Variants in HECW1 observed in about 807,000 individuals in gnomAD.
HECW1 encodes the protein HECT, C2 and WW domain containing E3 ubiquitin protein ligase 1.
Under a neutral mutation model 182.3 loss-of-function variants are expected in HECW1, and 61 were observed. The ratio of observed to expected loss-of-function variants is 0.33; its 90% CI spans 0.27 to 0.41. HECW1 has a LOEUF of 0.41. Ranked by LOEUF, HECW1 falls within the 10% of genes least tolerant of loss-of-function variation. The pLI is 1.00. For missense variants in HECW1, 1,739 were observed against 2,108.9 expected, an observed-to-expected ratio of 0.82 and a Z score of 3.44; for synonymous variants, 859 against 832.6, an observed-to-expected ratio of 1.03 and a Z score of -0.55.
chr7:43,381,852 T>C (rs1454806230), intron 6 of HECW1, among the ~76,000 whole-genome samples: 1 of 151,972 alleles, frequency 6.6e-6, no homozygotes, highest in Non-Finnish European at 1.5e-5. Flanking sequence ...TTTTTAGAAA[T>C]GGGGTTTCAC....
chr7:43,464,104 G>A (rs972117130), intron 14 of HECW1, among the ~76,000 whole-genome samples: 5 of 152,190 alleles, frequency 3.3e-5, no homozygotes, highest in African/African-American at 1.2e-4. Flanking sequence ...CAGTGCTTGT[G>A]GAGCAAGGCA....
At chr7:43,346,026 G>A (rs569276931) in intron 5 of HECW1, among the ~76,000 whole-genome samples, 7 of 152,246 alleles carry the variant, frequency 4.6e-5, no homozygotes, top group Admixed American at 2.0e-4. Context: ...GGGATTGCTG[G>A]ATCAAATGGT....
rs540639440 is a variant in HECW1 at position 43,197,718 on chromosome 7, G to A, written c.-31-46157G>A. ...GGTGAGGGGGATGTCAGTTTGCTGG[G>A]CAGGTGGGGGACTCTGACGAACACA... On this transcript the variant is annotated intron_variant, in intron 2 of 29. Coordinates refer to ENST00000395891, the MANE Select transcript of HECW1 (RefSeq NM_015052.5). 6.3e-4 allele frequency among the ~76,000 whole-genome samples: 96 copies of A among 152,218 alleles called. 1 individual carries two copies. The highest frequency in any genetic ancestry group is 9.8e-4 in the Admixed American group (15 of 15,290).
chr7:43,422,015 T>G (rs2076200385), intron 8 of HECW1, among the ~76,000 whole-genome samples: 1 of 152,148 alleles, frequency 6.6e-6, no homozygotes, highest in Non-Finnish European at 1.5e-5. Flanking sequence ...CTACAGTATG[T>G]TTAAACTAGG....
intron 6 of HECW1, among the ~76,000 whole-genome samples, chr7:43,396,008 G>A (rs1319059709): frequency 2.0e-5 from 3 of 152,100 alleles, no homozygotes; most frequent in African/African-American, 7.2e-5. Flanking sequence ...GGACACTGTG[G>A]ATTTGCTTAA....
At chr7:43,117,659 C>T (rs752818647) in intron 2 of HECW1, among the ~76,000 whole-genome samples, 3 of 152,150 alleles carry the variant, frequency 2.0e-5, no homozygotes, top group Admixed American at 6.5e-5. Context: ...GTCTTAAAGC[C>T]TCTTTAAATA....
intron 3 of HECW1, among the ~76,000 whole-genome samples, chr7:43,310,174 AGCC>A (rs1234810814): frequency 6.6e-6 from 1 of 152,182 alleles, no homozygotes; most frequent in Non-Finnish European, 1.5e-5. Context: ...CTCTTGCAGC[AGCC>A]TTTCTGTTTG....
Position 43,444,867 on chromosome 7 carries a change from C to T in HECW1, c.1695C>T (p.Thr565=). Residue 565 remains threonine (T), a synonymous_variant, in exon 11 of 30, where the codon ACC becomes ACT. Transcript: ENST00000395891. This position sits in a 1 kb window ranked among gnomAD's most constrained non-coding sequence, Gnocchi z 4.3. ...TPRTHYIRIH[T]LLHSMPSAQG... ...GGACACACTACATCCGCATCCACAC[C>T]CTGCTGCACAGCATGCCCTCCGCCC... is the stretch of plus-strand genomic sequence containing the variant. The T allele has an allele frequency of 6.2e-7, 1 of 1,610,480 alleles. No homozygotes were observed. The highest frequency in any genetic ancestry group is 2.2e-5 in the East Asian group (1 of 44,792).
At chr7:43,474,615 A>T (rs1383363423) in intron 16 of HECW1, among the ~76,000 whole-genome samples, 2 of 152,190 alleles carry the variant, frequency 1.3e-5, no homozygotes, top group African/African-American at 2.4e-5. Flanking sequence ...GAGATGAAAG[A>T]CATACAGTCG....
intron 3 of HECW1, among the ~76,000 whole-genome samples, chr7:43,281,337 C>G (rs1173260043): frequency 6.6e-6 from 1 of 152,240 alleles, no homozygotes; most frequent in African/African-American, 2.4e-5. Context: ...CTCTCCACAG[C>G]TGGTGTCCAA....
At chr7:43,464,444 C>T (rs2077691551) in intron 14 of HECW1, among the ~76,000 whole-genome samples, 1 of 152,038 alleles carries the variant, frequency 6.6e-6, no homozygotes, top group Non-Finnish European at 1.5e-5. Flanking sequence ...TTGAATTTGC[C>T]CAAGTGGGAC....
At chr7:43,401,079 T>C (rs775848926) in intron 7 of HECW1, among the ~76,000 whole-genome samples, 13 of 152,218 alleles carry the variant, frequency 8.5e-5, no homozygotes, top group Non-Finnish European at 1.5e-4. Flanking sequence ...ATCCTTAACT[T>C]AATCACTCTG....
intron 2 of HECW1, among the ~76,000 whole-genome samples, chr7:43,127,523 C>CAAAA (rs71562078): frequency 0.23 from 13,110 of 57,028 alleles, 894 homozygotes; most frequent in East Asian, 0.27. Flanking sequence ...AACTCCATCT[C>CAAAA]AAAAAAAAAA....
chr7:43,237,138 GAAGTAGGTAGGTAGGTAGGT>G (rs1798436098), intron 2 of HECW1, among the ~76,000 whole-genome samples: 1 of 126,114 alleles, frequency 7.9e-6, no homozygotes, highest in Non-Finnish European at 1.8e-5. Flanking sequence ...AGGAAGGAAG[GAAGTAGGTAGGTAGGTAGGT>G]AGGTAGGTAG....
chr7:43,121,497 C>T (rs951580395), intron 2 of HECW1, among the ~76,000 whole-genome samples: 11 of 152,110 alleles, frequency 7.2e-5, no homozygotes, highest in African/African-American at 2.7e-4. Context: ...TCCCAACATG[C>T]TCTGTGCTTT....
chr7:43,221,906 A>G (rs1335845047), intron 2 of HECW1, among the ~76,000 whole-genome samples: 4 of 152,112 alleles, frequency 2.6e-5, no homozygotes, highest in Admixed American at 6.5e-5. Context: ...ATGCCAAATG[A>G]CTGTTGCAGA....
At chr7:43,205,414 A>G (rs1795375559) in intron 2 of HECW1, among the ~76,000 whole-genome samples, 1 of 152,146 alleles carries the variant, frequency 6.6e-6, no homozygotes, top group African/African-American at 2.4e-5. Flanking sequence ...TGGAATTGTC[A>G]TCCTAGGAAC....
At chr7:43,183,808 T>TAAC (rs1441069317) in intron 2 of HECW1, among the ~76,000 whole-genome samples, 1 of 152,124 alleles carries the variant, frequency 6.6e-6, no homozygotes, top group East Asian at 1.9e-4. Flanking sequence ...GGAATGTGAG[T>TAAC]AACTATTTTG....
rs1376665189 is a variant in HECW1 at position 43,331,584 on chromosome 7, C to T, written c.460+10842C>T. ...CTCCAGCCTGGGCGACAGAGCAAGA[C>T]TCTGTCTCAAAAAAAAAAAAAAGAT... On this transcript the variant is annotated intron_variant, in intron 5 of 29. Coordinates refer to ENST00000395891, the MANE Select transcript of HECW1 (RefSeq NM_015052.5). Among the ~76,000 whole-genome samples, 4 of 146,012 alleles carry T rather than the reference C, an allele frequency of 2.7e-5. No individual in the cohort carries two copies. In the East Asian group the frequency reaches 5.9e-4, roughly 21 times the overall value.
Sources: gnomAD v4.1 joint callset for allele counts (sites outside exome capture counted in the v4.1 genomes callset) on GRCh38, gnomAD v4.1.1 for gene constraint, Gnocchi (gnomAD v3.1) non-coding constraint, MANE v1.5 for transcripts, NCBI Gene and HGNC (gene_info 2026-07-23, HGNC 2026-07-21) for gene names.